Variants in CCDC141 observed in about 807,000 individuals in gnomAD.
CCDC141 encodes the protein coiled-coil domain-containing protein 141.
A neutral mutation model predicts 181.0 loss-of-function variants in CCDC141; 168 were observed. The ratio of observed to expected loss-of-function variants is 0.93; its 90% CI spans 0.82 to 1.05. CCDC141 has a LOEUF of 1.05. CCDC141 is among the 50% of genes least tolerant of loss of function. CCDC141 has a pLI of 0.00. For missense variants in CCDC141, 1,902 were observed against 1,788.5 expected, an observed-to-expected ratio of 1.06 and a Z score of -1.14; for synonymous variants, 666 against 642.3, an observed-to-expected ratio of 1.04 and a Z score of -0.56.
intron 17 of CCDC141, among the ~76,000 whole-genome samples, chr2:178,859,136 T>C (rs1685500631): frequency 6.6e-6 from 1 of 152,214 alleles, no homozygotes; most frequent in Non-Finnish European, 1.5e-5. Context: ...CTTGACAAAG[T>C]TGCTGGCACT....
intron 17 of CCDC141, among the ~76,000 whole-genome samples, chr2:178,857,650 A>C (rs1369455770): frequency 6.6e-6 from 1 of 152,010 alleles, no homozygotes; most frequent in Non-Finnish European, 1.5e-5. Context: ...CTCTCTTTGT[A>C]TTATCACCAA....
chr2:178,848,842 T>C (rs1381240648), intron 21 of CCDC141, among the ~76,000 whole-genome samples: 1 of 152,120 alleles, frequency 6.6e-6, no homozygotes, highest in East Asian at 1.9e-4. Flanking sequence ...TTTATTATCA[T>C]TGTGAAACAA....
In CCDC141 at chr2:178,872,302, T is replaced by A. The variant is rs1383481425; in HGVS notation, c.1910A>T (p.Asn637Ile). The change falls in exon 13 of 24, where the codon AAC (asparagine) becomes ATC (isoleucine). Residue 637 changes from asparagine to isoleucine, a missense_variant. By Grantham distance (149) the Asn-to-Ile change is moderately radical. Transcript: ENST00000443758. ...FLNLINMAKENEILDVKNEVY... is the reference protein window; with the variant it reads ...FLNLINMAKEIEILDVKNEVY... ...TTCATTTTTCACATCTAATATCTCG[T>A]TCTCTTTTGCCTGTTAAATTAATAA... The A allele has an allele frequency of 6.2e-7, 1 of 1,610,816 alleles. No homozygotes were observed. The highest frequency in any genetic ancestry group is 1.3e-5 in the African/African-American group (1 of 74,696).
intron 6 of CCDC141, among the ~76,000 whole-genome samples, chr2:178,940,729 A>C (rs1216585751): frequency 6.6e-6 from 1 of 152,174 alleles, no homozygotes; most frequent in East Asian, 1.9e-4. Flanking sequence ...ACATTAATCA[A>C]ATGTCCTTTT....
chr2:178,855,229 A>G, intron 19 of CCDC141, 118 bp downstream of exon 19: 1 of 781,832 alleles, frequency 1.3e-6, no homozygotes, highest in Non-Finnish European at 2.0e-6. Context: ...AAATCATGAA[A>G]AGGAGCATGA....
intron 8 of CCDC141, among the ~76,000 whole-genome samples, chr2:178,898,744 G>T (rs1324412359): frequency 6.6e-6 from 1 of 152,074 alleles, no homozygotes; most frequent in African/African-American, 2.4e-5. Context: ...AATAATGAAA[G>T]GGTCTCAGAT....
At chr2:178,966,198 G>T (rs1220258266) in intron 4 of CCDC141, among the ~76,000 whole-genome samples, 1 of 152,238 alleles carries the variant, frequency 6.6e-6, no homozygotes, top group Non-Finnish European at 1.5e-5. Context: ...AGCTTCAGCA[G>T]ACTTGAACAT....
chr2:178,940,791 AC>A (rs1462552223), intron 6 of CCDC141, among the ~76,000 whole-genome samples: 1 of 152,202 alleles, frequency 6.6e-6, no homozygotes, highest in African/African-American at 2.4e-5. Context: ...GATACTGTCT[AC>A]TTTAAAAAAA....
chr2:178,848,678 A>C (rs1685038918), intron 21 of CCDC141, among the ~76,000 whole-genome samples: 1 of 152,176 alleles, frequency 6.6e-6, no homozygotes, highest in African/African-American at 2.4e-5. Flanking sequence ...CGTAAACGGG[A>C]GGAATATTGT....
chr2:178,871,625 G>A, intron 13 of CCDC141, 73 bp from the exon 14 acceptor site: 2 of 1,510,692 alleles, frequency 1.3e-6, no homozygotes, highest in Non-Finnish European at 1.8e-6. Flanking sequence ...TTCTAGGTAT[G>A]ACGCAGAGTG....
At chr2:178,843,750 T>C (rs1684822143) in intron 22 of CCDC141, among the ~76,000 whole-genome samples, 1 of 152,204 alleles carries the variant, frequency 6.6e-6, no homozygotes, top group Non-Finnish European at 1.5e-5. Context: ...CACTTGGTGC[T>C]TCCTATCTGC....
intron 22 of CCDC141, among the ~76,000 whole-genome samples, chr2:178,839,914 C>A (rs905981742): frequency 6.6e-6 from 1 of 152,194 alleles, no homozygotes; most frequent in Non-Finnish European, 1.5e-5. Context: ...CTTTGATTAA[C>A]CACCTATTCA....
intron 2 of CCDC141, among the ~76,000 whole-genome samples, chr2:179,046,460 C>T (rs540359448): frequency 1.8e-4 from 27 of 152,332 alleles, no homozygotes; most frequent in East Asian, 5.8e-4. Flanking sequence ...ACTCAGTGAC[C>T]GTTGCCACCT....
At chr2:178,850,274 C>A in intron 20 of CCDC141, 113 bp from the exon 21 acceptor site, 2 of 623,586 alleles carry the variant, frequency 3.2e-6, no homozygotes, top group Non-Finnish European at 5.7e-6. Flanking sequence ...ATTGTAAGTT[C>A]TTAATAAATA....
chr2:179,021,372 G>T (rs17453703), intron 2 of CCDC141, among the ~76,000 whole-genome samples: 5,079 of 152,216 alleles, frequency 0.033, 97 homozygotes, highest in South Asian at 0.059. Context: ...TGTATAGGCT[G>T]CCCCTAATCC....
At chr2:178,852,380 A>G (rs79626833) in intron 20 of CCDC141, among the ~76,000 whole-genome samples, 1,937 of 152,336 alleles carry the variant, frequency 0.013, 36 homozygotes, top group African/African-American at 0.044. Context: ...TACAACGTAA[A>G]AAGTTCAATC....
At chr2:178,968,237 C>T (rs1189587330) in intron 4 of CCDC141, among the ~76,000 whole-genome samples, 1 of 152,158 alleles carries the variant, frequency 6.6e-6, no homozygotes, top group East Asian at 1.9e-4. Flanking sequence ...ACAAGCAGAC[C>T]TAATAGACAT....
intron 11 of CCDC141, among the ~76,000 whole-genome samples, chr2:178,879,345 T>TAA (rs1449250662): frequency 1.2e-4 from 18 of 152,204 alleles, no homozygotes; most frequent in Admixed American, 3.9e-4. Context: ...CACTATATTT[T>TAA]AAAGATTTTC....
chr2:178,869,706 T>C (rs1009067082), intron 14 of CCDC141, among the ~76,000 whole-genome samples: 9 of 152,122 alleles, frequency 5.9e-5, no homozygotes, highest in Non-Finnish European at 5.9e-5. Flanking sequence ...CATGAGAAGA[T>C]GGGTGTAAAA....
Sources: gnomAD v4.1 joint callset for allele counts (sites outside exome capture counted in the v4.1 genomes callset) on GRCh38, gnomAD v4.1.1 for gene constraint, MANE v1.5 for transcripts, NCBI Gene and HGNC (gene_info 2026-07-23, HGNC 2026-07-21) for gene names.